Variants in DLC1 observed in about 807,000 individuals in gnomAD.
The protein encoded by DLC1 is rho GTPase-activating protein 7.
DLC1 carries 54 observed loss-of-function variants against 140.3 expected under a neutral mutation model. That is an observed-to-expected ratio of 0.38 (90% CI 0.31 to 0.48). The LOEUF (loss-of-function observed/expected upper bound fraction) is 0.48, where lower values mean the gene tolerates loss of function less well. Among genes scored for constraint, DLC1 ranks in the 20% least tolerant of loss-of-function variants. DLC1 has a pLI of 0.96. For missense variants in DLC1, 2,536 were observed against 1,907.0 expected, an observed-to-expected ratio of 1.33 and a Z score of -6.14; for synonymous variants, 986 against 728.1, an observed-to-expected ratio of 1.35 and a Z score of -5.70.
chr8:13,129,615 C>CT (rs1367470390), intron 5 of DLC1, among the ~76,000 whole-genome samples: 6 of 152,176 alleles, frequency 3.9e-5, no homozygotes, highest in Admixed American at 2.0e-4. Context: ...GATCCCAACT[C>CT]ATGTAATTCA....
chr8:13,527,066 A>G (rs904904075), intron 1 of DLC1, among the ~76,000 whole-genome samples: 4 of 152,220 alleles, frequency 2.6e-5, no homozygotes, highest in African/African-American at 9.6e-5. Context: ...TAAGATCTAC[A>G]TAGGTGATCA....
intron 5 of DLC1, among the ~76,000 whole-genome samples, chr8:13,295,942 GT>G (rs71207138): frequency 1.1e-3 from 81 of 72,894 alleles, no homozygotes; most frequent in African/African-American, 3.7e-3. Flanking sequence ...AAGATTCTTT[GT>G]TTTTTTTTTT....
At chr8:13,467,971 T>G (rs11781861) in intron 2 of DLC1, among the ~76,000 whole-genome samples, 1 of 152,048 alleles carries the variant, frequency 6.6e-6, no homozygotes, top group Non-Finnish European at 1.5e-5. Context: ...ATTTTGTTTA[T>G]GTTTTGTTTT....
chr8:13,481,539 A>G (rs903788223), intron 2 of DLC1, among the ~76,000 whole-genome samples: 8 of 152,226 alleles, frequency 5.3e-5, no homozygotes, highest in African/African-American at 1.9e-4. Context: ...GACATAAATA[A>G]TAAACGTCCG....
intron 1 of DLC1, among the ~76,000 whole-genome samples, chr8:13,601,712 C>A (rs1013522973): frequency 6.6e-6 from 1 of 150,780 alleles, no homozygotes. Context: ...GGTTGGGGAA[C>A]AACTGGAGTG....
intron 2 of DLC1, among the ~76,000 whole-genome samples, chr8:13,425,870 G>T (rs118107986): frequency 6.6e-6 from 1 of 152,126 alleles, no homozygotes; most frequent in Non-Finnish European, 1.5e-5. Flanking sequence ...GACCTCCTGG[G>T]CTCAGGCTCA....
chr8:13,282,928 A>G (rs549691144), intron 5 of DLC1, among the ~76,000 whole-genome samples: 11 of 152,330 alleles, frequency 7.2e-5, no homozygotes, highest in Non-Finnish European at 1.5e-4. Flanking sequence ...TTTTATGTTC[A>G]TATACAGTCA....
chr8:13,470,174 T>C (rs62494111), intron 2 of DLC1, among the ~76,000 whole-genome samples: 47,873 of 151,994 alleles, frequency 0.31, 7,966 homozygotes, highest in Middle Eastern at 0.42. Flanking sequence ...GAAGAAAGCA[T>C]ATTTGTCTTA....
At chr8:13,421,578 A>C (rs72603955) in intron 2 of DLC1, among the ~76,000 whole-genome samples, 11,152 of 152,184 alleles carry the variant, frequency 0.073, 554 homozygotes, top group East Asian at 0.14. Flanking sequence ...TGATTAGAAA[A>C]TGTGTTGGCA....
chr8:13,451,037 CAAAAAAAAAAA>C (rs1169620786), intron 2 of DLC1, among the ~76,000 whole-genome samples: 19 of 18,368 alleles, frequency 1.0e-3, no homozygotes, highest in East Asian at 5.3e-3. Context: ...GACTCCGTCT[CAAAAAAAAAAA>C]AAAAAAAAAA....
rs1258228400 is a variant in DLC1 at position 13,085,753 on chromosome 8, G to A, written c.*58C>T. 6.2e-7 allele frequency: 1 copy of A among 1,608,752 alleles called. No homozygotes were observed. On this transcript the variant is annotated 3_prime_UTR_variant, in exon 18 of 18. Transcript: ENST00000276297. Reference sequence around the variant, plus strand: ...ACACAGAACCCATTCTTCAAGGACTGGCAAAAGTTCTAGAAACAAACACCA... The same window carrying A: ...ACACAGAACCCATTCTTCAAGGACTAGCAAAAGTTCTAGAAACAAACACCA...
chr8:13,182,694 A>T (rs1010165468), intron 5 of DLC1, among the ~76,000 whole-genome samples: 4 of 152,168 alleles, frequency 2.6e-5, no homozygotes, highest in Non-Finnish European at 5.9e-5. Context: ...CTGTTTTGGT[A>T]CCAGTACCAT....
At chr8:13,524,906 C>A (rs1047431222) in intron 1 of DLC1, among the ~76,000 whole-genome samples, 1 of 152,140 alleles carries the variant, frequency 6.6e-6, no homozygotes, top group African/African-American at 2.4e-5. Flanking sequence ...AATTCATATG[C>A]CTGTGATATC....
intron 2 of DLC1, among the ~76,000 whole-genome samples, chr8:13,437,786 G>A (rs558771448): frequency 1.2e-4 from 19 of 152,212 alleles, no homozygotes; most frequent in Non-Finnish European, 2.4e-4. Flanking sequence ...AACACCATCA[G>A]GTCATAAATG....
chr8:13,592,169 G>C (rs995130982), intron 1 of DLC1, among the ~76,000 whole-genome samples: 1 of 151,938 alleles, frequency 6.6e-6, no homozygotes, highest in Non-Finnish European at 1.5e-5. Flanking sequence ...AGCTTTATTG[G>C]GCAAATGGTA....
intron 5 of DLC1, among the ~76,000 whole-genome samples, chr8:13,147,186 C>G (rs969634452): frequency 5.9e-5 from 9 of 152,148 alleles, no homozygotes; most frequent in African/African-American, 2.2e-4. Context: ...TTCCTTAGAA[C>G]CTAGTTTCTA....
intron 5 of DLC1, among the ~76,000 whole-genome samples, chr8:13,300,923 G>A (rs1832167437): frequency 6.6e-6 from 1 of 152,194 alleles, no homozygotes; most frequent in African/African-American, 2.4e-5. Context: ...TTTTGTGAAA[G>A]TCCAGTGGAA....
At chr8:13,516,426 G>C (rs898021577), upstream of DLC1, among the ~76,000 whole-genome samples, 1 of 152,094 alleles carries the variant, frequency 6.6e-6, no homozygotes, top group African/African-American at 2.4e-5. Context: ...AGTACTTTTT[G>C]ATAATATTGG....
chr8:13,481,606 T>C (rs1293657389), intron 2 of DLC1, among the ~76,000 whole-genome samples: 1 of 152,196 alleles, frequency 6.6e-6, no homozygotes, highest in Non-Finnish European at 1.5e-5. Context: ...CATTAGAATG[T>C]AAGTTTCTGA....
Sources: allele counts gnomAD v4.1 joint callset (sites outside exome capture counted in the v4.1 genomes callset), GRCh38; gene constraint gnomAD v4.1.1; transcripts MANE v1.5; gene names NCBI Gene and HGNC (gene_info 2026-07-23, HGNC 2026-07-21).